The following BEND4 variants were observed in gnomAD, a reference collection of about 807,000 sequenced individuals.
BEND4 encodes the protein BEN domain containing 4, also known as BEN domain-containing protein 4.
BEND4 carries 27 observed loss-of-function variants against 54.7 expected under a neutral mutation model. The ratio of observed to expected loss-of-function variants is 0.49; its 90% CI spans 0.36 to 0.68. The LOEUF is 0.68. BEND4 is among the 30% of genes least tolerant of loss of function. The pLI, the probability that BEND4 is intolerant of heterozygous loss-of-function variation, is 0.00. For synonymous variants in BEND4, 327 were observed against 299.5 expected (o/e 1.09, Z -0.95); for missense variants, 702 against 697.2 (o/e 1.01, Z -0.08).
rs565456533 is a variant in BEND4, at chr4:42,120,353, G to A, written c.1147-59C>T. 5 of 1,561,892 alleles carry A rather than the reference G, an allele frequency of 3.2e-6. No individual in the cohort carries two copies. The South Asian group carries it at 6.0e-5, about 19-fold the overall frequency. ...GAGCCAGCCAGCCAGAAGCAGAAGT[G>A]ATCTCCATTTCAAAGGCAAACATGC... On this transcript the variant is annotated intron_variant, in intron 4 of 5. Coordinates refer to ENST00000502486, the MANE Select transcript of BEND4 (RefSeq NM_207406.4).
chr4:42,130,111 AAAG>A (rs1720450874), intron 3 of BEND4, among the ~76,000 whole-genome samples: 1 of 152,242 alleles, frequency 6.6e-6, no homozygotes, highest in South Asian at 2.1e-4. Flanking sequence ...ACACTTCTCA[AAAG>A]AAGACATTTA....
intron 3 of BEND4, among the ~76,000 whole-genome samples, chr4:42,137,432 G>A (rs1720733511): frequency 6.6e-6 from 1 of 152,142 alleles, no homozygotes; most frequent in African/African-American, 2.4e-5. Flanking sequence ...AAAGAACACA[G>A]GGGAATGCTC....
chr4:42,146,873 C>T (rs1163963908), intron 2 of BEND4, among the ~76,000 whole-genome samples: 11 of 152,168 alleles, frequency 7.2e-5, no homozygotes, highest in Non-Finnish European at 1.5e-5. Context: ...TCCTACAACA[C>T]ACTCAGTAGT....
rs1198658584 is a variant in BEND4 at position 42,151,796 on chromosome 4, C to G, written c.348G>C (p.Pro116=). 2.0e-6 allele frequency: 3 copies of G among 1,486,728 alleles called. No homozygotes were observed. Among genetic ancestry groups the G allele is most frequent in the Non-Finnish European group, 2.7e-6 (3 of 1,126,486 alleles). The allele number at this position is 1,486,728 out of a possible 1,614,324, so 92.1% of individuals were successfully genotyped here. ...CGGGGGACGCGGGCGGCGGCTGCGC[C>G]GGAGTCCTCAAGTGGCCCTGGGATG... is the stretch of plus-strand genomic sequence containing the variant. The part of the protein sequence containing the change: ...PATSQGHLRT[P]AQPPPASPAA... The change falls in exon 2 of 6, where the codon CCG becomes CCC. Residue 116 remains proline (P), a synonymous_variant. Coordinates refer to ENST00000502486, the MANE Select transcript of BEND4 (RefSeq NM_207406.4).
chr4:42,138,684 T>C (rs1720781814), intron 3 of BEND4, among the ~76,000 whole-genome samples: 1 of 152,222 alleles, frequency 6.6e-6, no homozygotes, highest in South Asian at 2.1e-4. Flanking sequence ...TCATTTTGTA[T>C]ACTCAAACTT....
intron 4 of BEND4, 49 bp from the exon 5 acceptor site, chr4:42,120,343 A>C (rs1196476240): frequency 1.3e-6 from 2 of 1,573,700 alleles, no homozygotes; most frequent in Non-Finnish European, 8.7e-7. Context: ...AGCCAGCCAG[A>C]AGCAGAAGTG....
intron 3 of BEND4, among the ~76,000 whole-genome samples, chr4:42,126,305 G>A (rs190213507): frequency 1.3e-5 from 2 of 152,350 alleles, no homozygotes; most frequent in Admixed American, 1.3e-4. Flanking sequence ...GGTTGCAGCA[G>A]TAGCACCCAA....
chr4:42,145,281 A>T (rs573638734), intron 2 of BEND4, among the ~76,000 whole-genome samples: 1 of 152,262 alleles, frequency 6.6e-6, no homozygotes, highest in South Asian at 2.1e-4. Context: ...CTACAGGAGA[A>T]CTCCATGCAG....
chr4:42,130,046 T>C (rs1720447687), intron 3 of BEND4, among the ~76,000 whole-genome samples: 1 of 152,058 alleles, frequency 6.6e-6, no homozygotes. Context: ...CTTAAACAAA[T>C]TCATAAGAGA....
rs888203968 is a variant in BEND4 at position 42,142,811 on chromosome 4, C to T, written c.1054+617G>A. 2.6e-5 allele frequency among the ~76,000 whole-genome samples: 4 copies of T among 152,092 alleles called. No individual in the cohort carries two copies. The East Asian group carries it at 7.7e-4, about 29-fold the overall frequency. On this transcript the variant is annotated intron_variant, in intron 3 of 5. Coordinates refer to ENST00000502486, the MANE Select transcript of BEND4 (RefSeq NM_207406.4). ...TCAGGGCCAAGAAACGGTTTGGGGCCGGCTTAATTACTGGTCTATCTTTGA... is the reference window on the plus strand; with the variant it reads ...TCAGGGCCAAGAAACGGTTTGGGGCTGGCTTAATTACTGGTCTATCTTTGA...
intron 2 of BEND4, among the ~76,000 whole-genome samples, chr4:42,147,080 A>T (rs1314195101): frequency 6.6e-6 from 1 of 152,214 alleles, no homozygotes; most frequent in Non-Finnish European, 1.5e-5. Flanking sequence ...TTACAATCAT[A>T]AAGTAGTTCT....
chr4:42,149,697 G>T (rs546087720), intron 2 of BEND4, among the ~76,000 whole-genome samples: 1 of 149,820 alleles, frequency 6.7e-6, no homozygotes, highest in African/African-American at 2.5e-5. Context: ...CACTGAAAAA[G>T]AACATTTAGA....
intron 3 of BEND4, among the ~76,000 whole-genome samples, chr4:42,126,509 G>A (rs1418668035): frequency 6.6e-6 from 1 of 152,176 alleles, no homozygotes; most frequent in East Asian, 1.9e-4. Context: ...AAGCTCAATT[G>A]ATTTGATCCC....
chr4:42,119,054 T>C (rs1177866974), intron 5 of BEND4, among the ~76,000 whole-genome samples: 2 of 152,122 alleles, frequency 1.3e-5, no homozygotes, highest in East Asian at 3.9e-4. Context: ...TGAATCAGAA[T>C]GTCTGGGGGT....
Position 42,115,265 on chromosome 4 carries a change from G to C in BEND4, c.*2253C>G, listed in dbSNP as rs1217699131. 6.6e-6 allele frequency: 1 copy of C among 152,254 alleles called. No individual in the cohort carries two copies. The highest frequency in any genetic ancestry group is 1.5e-5 in the Non-Finnish European group (1 of 68,062). The allele number at this position is 152,254 out of a possible 1,614,324, so 9.4% of individuals were successfully genotyped here. A position where few individuals can be genotyped will look rare whatever the true frequency, so the allele number is the denominator to read the frequency against. On this transcript the variant is annotated 3_prime_UTR_variant, in exon 6 of 6. Coordinates refer to ENST00000502486, the MANE Select transcript of BEND4 (RefSeq NM_207406.4). ...AAAAGTGGTGTGCAAACCTGGGACA[G>C]CAGCCTTCTCAGGAGGTAACAGTGA...
rs1486621900 is a variant in BEND4, at chr4:42,113,219, G to A, written c.*4299C>T. ...TATATATGAGCTGTCAAAAATTAAC[G>A]CAGATCTGTACTGTGAAATGACACA... On this transcript the variant is annotated 3_prime_UTR_variant, in exon 6 of 6. Coordinates refer to ENST00000502486, the MANE Select transcript of BEND4 (RefSeq NM_207406.4). 1.3e-5 allele frequency: 2 copies of A among 152,120 alleles called. No homozygotes were observed. Among genetic ancestry groups the A allele is most frequent in the African/African-American group, 2.4e-5 (1 of 41,418 alleles). The allele number at this position is 152,120 out of a possible 1,614,324, so 9.4% of individuals were successfully genotyped here. A position where few individuals can be genotyped will look rare whatever the true frequency, so the allele number is the denominator to read the frequency against.
intron 2 of BEND4, chr4:42,151,432 G>A (rs1721276927): frequency 1.7e-5 from 6 of 356,488 alleles, no homozygotes; most frequent in Non-Finnish European, 3.0e-5. Flanking sequence ...CGGGATCCAA[G>A]CCGCGGAGCC....
intron 2 of BEND4, among the ~76,000 whole-genome samples, chr4:42,148,248 T>C (rs1721146503): frequency 6.6e-6 from 1 of 152,208 alleles, no homozygotes; most frequent in Non-Finnish European, 1.5e-5. Context: ...ACTATGTCTT[T>C]TTTAAAAAAT....
Position 42,143,449 on chromosome 4 carries a change from T to G in BEND4, c.1033A>C (p.Arg345=), listed in dbSNP as rs1338045019. The G allele has an allele frequency of 7.7e-6, 12 of 1,551,934 alleles. No individual in the cohort carries two copies. Among genetic ancestry groups the G allele is most frequent in the Non-Finnish European group, 1.0e-5 (12 of 1,147,068 alleles). The change falls in exon 3 of 6, where the codon AGG becomes CGG. Residue 345 remains arginine, a synonymous_variant. Transcript: ENST00000502486. ...ATACCTGGGATGCTCTCTAATTTCCTTCTGAGCTCTTCATTTTCTTGTTGC... is the reference window on the plus strand; with the variant it reads ...ATACCTGGGATGCTCTCTAATTTCCGTCTGAGCTCTTCATTTTCTTGTTGC... ...SLQQENEELR[R]KLESIPVPCQ...
Sources: allele counts gnomAD v4.1 joint callset (sites outside exome capture counted in the v4.1 genomes callset), GRCh38; gene constraint gnomAD v4.1.1; transcripts MANE v1.5; gene names NCBI Gene and HGNC (gene_info 2026-07-23, HGNC 2026-07-21).